The following VEGFC variants were observed in gnomAD, a reference collection of about 807,000 sequenced individuals.
VEGFC encodes FLT4 ligand DHM.
VEGFC carries 12 observed loss-of-function variants against 46.1 expected under a neutral mutation model. The ratio of observed to expected loss-of-function variants is 0.26; its 90% confidence interval spans 0.17 to 0.42. The LOEUF is 0.42. VEGFC is among the 10% of genes least tolerant of loss of function. The pLI is 1.00. For missense variants in VEGFC, 488 were observed against 529.4 expected (o/e 0.92, Z 0.77); for synonymous variants, 232 against 195.5 (o/e 1.19, Z -1.56).
chr4:176,777,041 C>G (rs977611804), intron 1 of VEGFC, among the ~76,000 whole-genome samples: 1 of 152,078 alleles, frequency 6.6e-6, no homozygotes, highest in East Asian at 1.9e-4. Flanking sequence ...TGGCCGGGTG[C>G]GGTAGCTCAC....
intron 3 of VEGFC, among the ~76,000 whole-genome samples, chr4:176,721,731 T>C (rs1345096078): frequency 6.6e-6 from 1 of 152,192 alleles, no homozygotes; most frequent in East Asian, 1.9e-4. Context: ...ACTTACTTGC[T>C]TATTTGGGCA....
In VEGFC at chr4:176,740,165, A is replaced by G. The variant is rs755677183; in HGVS notation, c.148-10419T>C. Among the ~76,000 whole-genome samples, 205 of 127,238 alleles carry G rather than the reference A, an allele frequency of 1.6e-3. 1 individual carries two copies. Among genetic ancestry groups the G allele is most frequent in the Non-Finnish European group, 2.8e-3 (177 of 62,920 alleles). 83.5% of individuals were successfully genotyped at this position (127,238 alleles called of 152,430 possible). A position where few individuals can be genotyped will look rare whatever the true frequency, so the allele number is the denominator to read the frequency against. On this transcript the variant is annotated intron_variant, in intron 1 of 6. Transcript: ENST00000618562. Reference sequence around the variant, plus strand: ...TATATATAGAAGTTATATATATAGAATATATATAACTATATATAACTATAT... The same window carrying G: ...TATATATAGAAGTTATATATATAGAGTATATATAACTATATATAACTATAT...
At chr4:176,710,813 GA>G (rs1189608753) in intron 4 of VEGFC, among the ~76,000 whole-genome samples, 2 of 151,948 alleles carry the variant, frequency 1.3e-5, no homozygotes, top group African/African-American at 4.8e-5. Context: ...GATCATACAG[GA>G]GAACGTGATA....
At chr4:176,695,150 A>G (rs1257248996) in intron 4 of VEGFC, among the ~76,000 whole-genome samples, 1 of 150,518 alleles carries the variant, frequency 6.6e-6, no homozygotes, top group Non-Finnish European at 1.5e-5. Context: ...TGAAGGAAAT[A>G]GAGACACAAA....
intron 4 of VEGFC, among the ~76,000 whole-genome samples, chr4:176,690,877 TA>T (rs1309162874): frequency 6.6e-6 from 1 of 152,214 alleles, no homozygotes; most frequent in Non-Finnish European, 1.5e-5. Context: ...TCTTTCATTT[TA>T]CCAACATGTG....
chr4:176,686,966 T>G (rs1734052490), intron 6 of VEGFC, among the ~76,000 whole-genome samples: 1 of 152,200 alleles, frequency 6.6e-6, no homozygotes, highest in Admixed American at 6.5e-5. Flanking sequence ...ATTCTGAGCT[T>G]GGATCTAATT....
chr4:176,706,227 A>T (rs1734531831), intron 4 of VEGFC: 1 of 152,164 alleles, frequency 6.6e-6, no homozygotes, highest in Non-Finnish European at 1.5e-5. Context: ...AGGATCTAGA[A>T]GCATTCTTTA....
At chr4:176,761,966 C>G (rs561607240) in intron 1 of VEGFC, among the ~76,000 whole-genome samples, 1 of 152,250 alleles carries the variant, frequency 6.6e-6, no homozygotes, top group South Asian at 2.1e-4. Context: ...ATGTCTCTGA[C>G]GTATCAGTTT....
At chr4:176,781,769 T>C (rs1479492362) in intron 1 of VEGFC, among the ~76,000 whole-genome samples, 52 of 152,248 alleles carry the variant, frequency 3.4e-4, no homozygotes, top group Non-Finnish European at 8.8e-5. Flanking sequence ...GTTTTCACTA[T>C]TGTTCACCAA....
At position 176,792,734 on chromosome 4, in the gene VEGFC, C is replaced by T. The variant is rs571367289; in HGVS notation, c.-423G>A. 517 of 151,146 alleles carry T rather than the reference C, an allele frequency of 3.4e-3. 1 individual carries two copies. Among genetic ancestry groups the T allele is most frequent in the Non-Finnish European group, 5.0e-3 (341 of 67,684 alleles). The allele number at this position is 151,146 out of a possible 1,614,324, so 9.4% of individuals were successfully genotyped here. On this transcript the variant is annotated 5_prime_UTR_variant, in exon 1 of 7. Coordinates refer to ENST00000618562, the MANE Select transcript of VEGFC (RefSeq NM_005429.5). The surrounding 1 kb of genome is among the most constrained non-coding windows in gnomAD (Gnocchi z 6.3). ...AGCCCTCGTCCCCCTCCTCCCTCCC[C>T]TTCCCCGAAGTGAGAGGAGCCGGGC...
chr4:176,706,280 TCTCCCTCCC>T (rs1734532761), intron 4 of VEGFC: 1 of 34,900 alleles, frequency 2.9e-5, no homozygotes. Context: ...CTGTGGGAAA[TCTCCCTCCC>T]TAATCAAAGA....
intron 4 of VEGFC, among the ~76,000 whole-genome samples, chr4:176,692,204 C>G (rs1579087117): frequency 1.3e-5 from 2 of 149,958 alleles, no homozygotes; most frequent in South Asian, 2.1e-4. Flanking sequence ...ACCATCCCGG[C>G]TAAAACGGTG....
chr4:176,744,187 ACT>A (rs1408774384), intron 1 of VEGFC, among the ~76,000 whole-genome samples: 2 of 152,114 alleles, frequency 1.3e-5, no homozygotes, highest in East Asian at 1.9e-4. Flanking sequence ...GAATCCATTG[ACT>A]CTGTCTGGCT....
At chr4:176,703,095 A>G (rs1734463520) in intron 4 of VEGFC, among the ~76,000 whole-genome samples, 1 of 152,124 alleles carries the variant, frequency 6.6e-6, no homozygotes, top group Admixed American at 6.6e-5. Context: ...CTGGGAATGA[A>G]GAGTGAAGAA....
In VEGFC at chr4:176,730,368, T is replaced by C. The variant is rs149169217; in HGVS notation, c.148-622A>G. Among the ~76,000 whole-genome samples the C allele has an allele frequency of 2.6e-3, 391 of 152,258 alleles. 3 individuals carry two copies. Among genetic ancestry groups the C allele is most frequent in the African/African-American group, 8.9e-3 (370 of 41,566 alleles). ...ATAGTTCAGAGAACACTAAATCTTA[T>C]TGACGGCTAACTGCATACATAAGTA... On this transcript the variant is annotated intron_variant, in intron 1 of 6. Coordinates refer to ENST00000618562, the MANE Select transcript of VEGFC (RefSeq NM_005429.5).
intron 1 of VEGFC, among the ~76,000 whole-genome samples, chr4:176,743,742 T>C (rs1397190350): frequency 6.6e-6 from 1 of 151,862 alleles, no homozygotes; most frequent in African/African-American, 2.4e-5. Flanking sequence ...TGGATATAAA[T>C]GTATGTAGGC....
chr4:176,778,961 C>T (rs1209075588), intron 1 of VEGFC, among the ~76,000 whole-genome samples: 1 of 152,024 alleles, frequency 6.6e-6, no homozygotes, highest in Non-Finnish European at 1.5e-5. Context: ...ACCTTCTGCC[C>T]CCACCACCAA....
intron 1 of VEGFC, among the ~76,000 whole-genome samples, chr4:176,771,057 A>G (rs1735713765): frequency 6.6e-6 from 1 of 152,076 alleles, no homozygotes; most frequent in Non-Finnish European, 1.5e-5. Context: ...AAAGGAATCA[A>G]AGCTTGAAAT....
intron 1 of VEGFC, among the ~76,000 whole-genome samples, chr4:176,759,796 A>G (rs1735497173): frequency 6.6e-6 from 1 of 152,112 alleles, no homozygotes; most frequent in South Asian, 2.1e-4. Flanking sequence ...AGAACAAGAC[A>G]TGCTTTTTGG....
Sources: allele counts gnomAD v4.1 joint callset (sites outside exome capture counted in the v4.1 genomes callset), GRCh38; gene constraint gnomAD v4.1.1; non-coding constraint Gnocchi (gnomAD v3.1); transcripts MANE v1.5; gene names NCBI Gene and HGNC (gene_info 2026-07-23, HGNC 2026-07-21).